The following HK1 variants were observed in gnomAD, a reference collection of about 807,000 sequenced individuals.
HK1 encodes the protein hexokinase 1.
In HK1, 28 loss-of-function variants were observed where a neutral mutation model predicts 91.6. That is an observed-to-expected ratio of 0.31 (90% CI 0.23 to 0.42). The LOEUF (loss-of-function observed/expected upper bound fraction) is 0.42, where lower values mean the gene tolerates loss of function less well. Among genes scored for constraint, HK1 ranks in the 10% least tolerant of loss-of-function variants. The pLI is 1.00. For missense variants in HK1, 770 were observed against 1,219.8 expected (o/e 0.63, Z 5.49); for synonymous variants, 430 against 468.1 (o/e 0.92, Z 1.05).
intron 1 of HK1, among the ~76,000 whole-genome samples, chr10:69,276,516 G>A (rs28422950): frequency 0.054 from 8,206 of 151,612 alleles, 307 homozygotes; most frequent in South Asian, 0.13. Flanking sequence ...AAAATTAGCC[G>A]GGTGTGGTAG....
At chr10:69,299,215 C>T (rs1044782092) in intron 4 of HK1, among the ~76,000 whole-genome samples, 3 of 151,770 alleles carry the variant, frequency 2.0e-5, no homozygotes, top group Non-Finnish European at 2.9e-5. Context: ...CTCTGTCATG[C>T]AGGCTGGAGT....
chr10:69,369,548 G>C lies in HK1; in HGVS notation c.799G>C (p.Asp267His). 6.2e-7 allele frequency: 1 copy of C among 1,614,226 alleles called. No individual in the cohort carries two copies. Among genetic ancestry groups the C allele is most frequent in the Non-Finnish European group, 8.5e-7 (1 of 1,180,042 alleles). Residue 267 changes from aspartate (D) to histidine (H), a missense_variant, in exon 7 of 18, where the codon GAT becomes CAT. Physicochemically the swap from Asp to His is moderately conservative, Grantham distance 81. Coordinates refer to ENST00000359426, the MANE Select transcript of HK1 (RefSeq NM_000188.3). This position sits in a 1 kb window ranked among gnomAD's most constrained non-coding sequence, Gnocchi z 4.4. ...TACAGAATGGGGAGCCTTTGGAGAC[G>C]ATGGATCATTAGAAGACATCCGGAC... is the stretch of plus-strand genomic sequence containing the variant. ...INTEWGAFGDDGSLEDIRTEF... is the reference protein window; with the variant it reads ...INTEWGAFGDHGSLEDIRTEF...
chr10:69,390,154 C>A (rs556197743), intron 14 of HK1, among the ~76,000 whole-genome samples: 1 of 152,222 alleles, frequency 6.6e-6, no homozygotes, highest in Non-Finnish European at 1.5e-5. Flanking sequence ...AGCCACTTTT[C>A]GCTTCTGTTG....
intron 15 of HK1, 35 bp from the exon 16 acceptor site, chr10:69,394,915 C>A: frequency 6.2e-7 from 1 of 1,612,672 alleles, no homozygotes; most frequent in African/African-American, 1.3e-5. Context: ...CTGGCCACTT[C>A]CCATAGACAC....
chr10:69,385,667 A>G (rs188623935), intron 12 of HK1, among the ~76,000 whole-genome samples: 3 of 152,202 alleles, frequency 2.0e-5, no homozygotes, highest in African/African-American at 7.2e-5. Flanking sequence ...TTAAGGCTTA[A>G]TGAGCAGCCC....
chr10:69,399,056 A>G (rs1022378323), intron 17 of HK1, among the ~76,000 whole-genome samples: 2 of 152,190 alleles, frequency 1.3e-5, no homozygotes, highest in East Asian at 3.8e-4. Flanking sequence ...GCCAGCTCAC[A>G]CCAGTGGCAT....
chr10:69,301,968 G>C (rs1845896279), intron 5 of HK1, among the ~76,000 whole-genome samples: 1 of 152,102 alleles, frequency 6.6e-6, no homozygotes, highest in Non-Finnish European at 1.5e-5. Context: ...AAAGCAGGCT[G>C]GGTGTGGTGG....
At chr10:69,293,070 T>C (rs1311922825) in intron 3 of HK1, among the ~76,000 whole-genome samples, 5 of 152,212 alleles carry the variant, frequency 3.3e-5, no homozygotes, top group Admixed American at 2.0e-4. Flanking sequence ...GCATGCTGGC[T>C]ACACTCCCAA....
chr10:69,287,380 A>G (rs1462511842), intron 2 of HK1, among the ~76,000 whole-genome samples: 1 of 152,192 alleles, frequency 6.6e-6, no homozygotes, highest in South Asian at 2.1e-4. Flanking sequence ...AACTCCTTCC[A>G]CCTGGTCTCT....
At chr10:69,301,213 C>A (rs138582991) in intron 5 of HK1, among the ~76,000 whole-genome samples, 2,757 of 146,110 alleles carry the variant, frequency 0.019, 80 homozygotes, top group African/African-American at 0.067. Flanking sequence ...CCACTGCACT[C>A]CAGCCTGGGT....
chr10:69,318,854 A>G lies in HK1; in HGVS notation c.-94A>G. On this transcript the variant is annotated 5_prime_UTR_variant, in exon 1 of 18. Coordinates refer to ENST00000359426, the MANE Select transcript of HK1 (RefSeq NM_000188.3). ...GAGCCGGGGGAGGAGGAGGAGGAGG[A>G]GCCGCCGAGCAGCCGCCGGAGGACC... 6.7e-7 allele frequency: 1 copy of G among 1,489,606 alleles called. No homozygotes were observed. Among genetic ancestry groups the G allele is most frequent in the Admixed American group, 2.3e-5 (1 of 43,492 alleles). 92.3% of individuals were successfully genotyped at this position (1,489,606 alleles called of 1,614,324 possible).
intron 4 of HK1, among the ~76,000 whole-genome samples, chr10:69,299,485 G>A (rs1368690862): frequency 6.6e-6 from 1 of 151,336 alleles, no homozygotes; most frequent in Non-Finnish European, 1.5e-5. Context: ...TCCTGTCTCA[G>A]CCTCCCGAGT....
intron 5 of HK1, among the ~76,000 whole-genome samples, chr10:69,308,380 G>A (rs975918107): frequency 2.0e-5 from 3 of 152,104 alleles, no homozygotes; most frequent in Admixed American, 6.5e-5. Flanking sequence ...CTCAAGAGCC[G>A]AGCTCCCCGA....
At chr10:69,309,554 C>T (rs112079187) in intron 5 of HK1, among the ~76,000 whole-genome samples, 45 of 140,944 alleles carry the variant, frequency 3.2e-4, no homozygotes, top group African/African-American at 1.2e-3. Flanking sequence ...GTAATCCCAG[C>T]GCTTTGGGAG....
chr10:69,285,990 G>A (rs1317144838), intron 2 of HK1, among the ~76,000 whole-genome samples: 1 of 152,210 alleles, frequency 6.6e-6, no homozygotes, highest in Non-Finnish European at 1.5e-5. Context: ...TCATGTTACA[G>A]ACCCAGGGAG....
At position 69,318,946 on chromosome 10, in the gene HK1, G is replaced by T; in HGVS notation, c.-2G>T. The T allele has an allele frequency of 6.3e-7, 1 of 1,593,358 alleles. No homozygotes were observed. Among genetic ancestry groups the T allele is most frequent in the Admixed American group, 1.7e-5 (1 of 58,234 alleles). On this transcript the variant is annotated 5_prime_UTR_variant, in exon 1 of 18. Coordinates refer to ENST00000359426, the MANE Select transcript of HK1 (RefSeq NM_000188.3). ...TGCCGCCCCGCGACCCCGACCGCCAGCATGATCGCCGCGCAGCTCCTGGCC... is the reference window on the plus strand; with the variant it reads ...TGCCGCCCCGCGACCCCGACCGCCATCATGATCGCCGCGCAGCTCCTGGCC...
chr10:69,292,979 T>TG (rs1385498745), intron 3 of HK1, among the ~76,000 whole-genome samples: 1 of 152,106 alleles, frequency 6.6e-6, no homozygotes, highest in East Asian at 1.9e-4. Flanking sequence ...GGTGGAAAGG[T>TG]GGGGTGAGGC....
At chr10:69,351,527 C>A (rs1301359692) in intron 2 of HK1, among the ~76,000 whole-genome samples, 2 of 151,216 alleles carry the variant, frequency 1.3e-5, no homozygotes, top group Admixed American at 1.3e-4. Flanking sequence ...AAAACAAAAA[C>A]AAAAAAAACA....
At chr10:69,315,426 TGTA>T (rs1846584627), upstream of HK1, among the ~76,000 whole-genome samples, 1 of 152,064 alleles carries the variant, frequency 6.6e-6, no homozygotes, top group Non-Finnish European at 1.5e-5. Flanking sequence ...CCCCAACTTG[TGTA>T]GGAGGTACCA....
Sources: gnomAD v4.1 joint callset for allele counts (sites outside exome capture counted in the v4.1 genomes callset) on GRCh38, gnomAD v4.1.1 for gene constraint, Gnocchi (gnomAD v3.1) non-coding constraint, MANE v1.5 for transcripts, NCBI Gene and HGNC (gene_info 2026-07-23, HGNC 2026-07-21) for gene names.